ITK: variants seen among roughly 807,000 people sequenced by gnomAD.
ITK encodes tyrosine-protein kinase ITK/TSK.
In ITK, 45 loss-of-function variants were observed where a neutral mutation model predicts 87.6. The ratio of observed to expected loss-of-function variants is 0.51; its 90% confidence interval spans 0.40 to 0.66. The LOEUF is 0.66. Among genes scored for constraint, ITK ranks in the 30% least tolerant of loss-of-function variants. The pLI is 0.00. For synonymous variants in ITK, 303 were observed against 273.6 expected, an observed-to-expected ratio of 1.11 and a Z score of -1.06; for missense variants, 605 against 766.3, an observed-to-expected ratio of 0.79 and a Z score of 2.48.
chr5:157,203,107 C>G lies in ITK; in HGVS notation c.139-5782C>G, dbSNP rs1268508727. Among the ~76,000 whole-genome samples the G allele has an allele frequency of 2.0e-5, 3 of 152,200 alleles. No individual in the cohort carries two copies. The East Asian group carries it at 5.8e-4, about 29-fold the overall frequency. Reference sequence around the variant, plus strand: ...CTCTTCTTAGATGCCCTTTCTCTCTCCAGAGAGGTCTGCCTTGGCCACAGT... The same window carrying G: ...CTCTTCTTAGATGCCCTTTCTCTCTGCAGAGAGGTCTGCCTTGGCCACAGT... On this transcript the variant is annotated intron_variant, in intron 1 of 16. Coordinates refer to ENST00000422843, the MANE Select transcript of ITK (RefSeq NM_005546.4).
chr5:157,219,995 C>T (rs30156), intron 5 of ITK, among the ~76,000 whole-genome samples: 36,695 of 152,094 alleles, frequency 0.24, 5,110 homozygotes, highest in Non-Finnish European at 0.31. Context: ...TAGTTTCAAC[C>T]GCATGTCTAA....
At chr5:157,211,517 G>A (rs1580887163) in intron 3 of ITK, 149 bp downstream of exon 3, 1 of 697,288 alleles carries the variant, frequency 1.4e-6, no homozygotes, top group East Asian at 2.7e-5. Flanking sequence ...TTCATCCTGG[G>A]CCCAGGAAGC....
chr5:157,217,959 T>A (rs1754333746), intron 5 of ITK, 52 bp downstream of exon 5: 4 of 1,497,176 alleles, frequency 2.7e-6, no homozygotes, highest in Non-Finnish European at 3.7e-6. Context: ...GCTACCTGAT[T>A]GGCATGTTCC....
chr5:157,253,991 G>A lies in ITK; in HGVS notation c.*1313G>A, dbSNP rs1319795779. 4.5e-6 allele frequency: 1 copy of A among 224,530 alleles called. No homozygotes were observed. Among genetic ancestry groups the A allele is most frequent in the East Asian group, 6.4e-5 (1 of 15,570 alleles). The allele number at this position is 224,530 out of a possible 1,614,324, so 13.9% of individuals were successfully genotyped here. A position where few individuals can be genotyped will look rare whatever the true frequency, so the allele number is the denominator to read the frequency against. On this transcript the variant is annotated 3_prime_UTR_variant, in exon 17 of 17. Coordinates refer to ENST00000422843, the MANE Select transcript of ITK (RefSeq NM_005546.4). ...TTCCCATTTTACAAATAATGTAACTGAGGCTTTAAAAAGCCAAGACATCTG... is the reference window on the plus strand; with the variant it reads ...TTCCCATTTTACAAATAATGTAACTAAGGCTTTAAAAAGCCAAGACATCTG...
intron 8 of ITK, among the ~76,000 whole-genome samples, chr5:157,235,720 A>G (rs1364878356): frequency 6.6e-6 from 1 of 152,266 alleles, no homozygotes; most frequent in Non-Finnish European, 1.5e-5. Context: ...AGACACTCTT[A>G]AAGTATAATG....
At chr5:157,202,545 G>A (rs1398283574) in intron 1 of ITK, among the ~76,000 whole-genome samples, 2 of 152,028 alleles carry the variant, frequency 1.3e-5, no homozygotes, top group Admixed American at 1.3e-4. Flanking sequence ...TTTGTTAATG[G>A]GCATTTAGGT....
At chr5:157,186,475 G>T (rs112383665) in intron 1 of ITK, among the ~76,000 whole-genome samples, 3 of 151,932 alleles carry the variant, frequency 2.0e-5, no homozygotes, top group Non-Finnish European at 4.4e-5. Context: ...AGGAGTTCAC[G>T]AGCAGCCTGG....
chr5:157,215,736 A>G (rs1341851996), intron 4 of ITK, among the ~76,000 whole-genome samples: 2 of 152,210 alleles, frequency 1.3e-5, no homozygotes, highest in South Asian at 2.1e-4. Context: ...AAGGGCCCCA[A>G]TGTCCTCATC....
intron 1 of ITK, among the ~76,000 whole-genome samples, chr5:157,183,183 G>A (rs1753572375): frequency 6.6e-6 from 1 of 151,942 alleles, no homozygotes; most frequent in African/African-American, 2.4e-5. Flanking sequence ...CCCTGAAAAA[G>A]GTAATATATG....
At chr5:157,190,845 G>T (rs1343842893) in intron 1 of ITK, among the ~76,000 whole-genome samples, 1 of 152,224 alleles carries the variant, frequency 6.6e-6, no homozygotes, top group African/African-American at 2.4e-5. Flanking sequence ...CAAGAGAGGG[G>T]CACAAGACGA....
intron 1 of ITK, among the ~76,000 whole-genome samples, chr5:157,191,842 A>G (rs900946087): frequency 4.6e-5 from 7 of 152,196 alleles, no homozygotes; most frequent in Non-Finnish European, 1.0e-4. Flanking sequence ...AGCAGTATAC[A>G]TAATATAGGG....
At chr5:157,204,193 G>T (rs1754033593) in intron 1 of ITK, among the ~76,000 whole-genome samples, 1 of 152,192 alleles carries the variant, frequency 6.6e-6, no homozygotes, top group South Asian at 2.1e-4. Context: ...GTAATTTTTT[G>T]CATTGTCTCA....
At chr5:157,197,609 T>TA (rs1753877477) in intron 1 of ITK, among the ~76,000 whole-genome samples, 2 of 134,724 alleles carry the variant, frequency 1.5e-5, no homozygotes, top group Non-Finnish European at 3.3e-5. Context: ...TAATACATAA[T>TA]CTCTTCTTCC....
Position 157,252,763 on chromosome 5 carries a change from A to C in ITK, c.*85A>C, listed in dbSNP as rs143715615. 50 of 1,105,810 alleles carry C rather than the reference A, an allele frequency of 4.5e-5. No homozygotes were observed. In the East Asian group the frequency reaches 1.2e-3, roughly 26 times the overall value. The allele number at this position is 1,105,810 out of a possible 1,614,324, so 68.5% of individuals were successfully genotyped here. ...ATTCCATAGAGCATTAGAAGCTGCC[A>C]CCAGCCCAGGACCCTCCAGAGGCAG... is the stretch of plus-strand genomic sequence containing the variant. On this transcript the variant is annotated 3_prime_UTR_variant, in exon 17 of 17. Coordinates refer to ENST00000422843, the MANE Select transcript of ITK (RefSeq NM_005546.4).
chr5:157,192,949 C>G (rs552389175), intron 1 of ITK, among the ~76,000 whole-genome samples: 1 of 152,312 alleles, frequency 6.6e-6, no homozygotes, highest in South Asian at 2.1e-4. Flanking sequence ...GGAAACTTGG[C>G]TCACATTTGT....
rs1288043073 is a variant in ITK, at chr5:157,249,012, G to A, written c.1791+5G>A. ...ATGAATCACTGCTGGAAAGAGGTCA[G>A]TGGAGGAAGTGCTTCCCCATGCATT... is the stretch of plus-strand genomic sequence containing the variant. On this transcript the variant is annotated splice_donor_5th_base_variant and intron_variant, in intron 16 of 16. Transcript: ENST00000422843. 4 of 1,613,048 alleles carry A rather than the reference G, an allele frequency of 2.5e-6. No individual in the cohort carries two copies. The highest frequency in any genetic ancestry group is 2.5e-6 in the Non-Finnish European group (3 of 1,179,244).
rs1416056644 is a variant in ITK, at chr5:157,252,660, T to G, written c.1845T>G (p.Ile615Met). 1.2e-6 allele frequency: 2 copies of G among 1,613,774 alleles called. No homozygotes were observed. Among genetic ancestry groups the G allele is most frequent in the African/African-American group, 2.7e-5 (2 of 74,924 alleles). ...GACTGCTGCGTCAACTGGCTGAAAT[T>G]GCAGAATCAGGACTTTAGTAGAGAC... ...FSRLLRQLAE[I>M]AESGL Residue 615 changes from isoleucine (I) to methionine (M), a missense_variant, in exon 17 of 17, where the codon ATT (isoleucine) becomes ATG (methionine). By Grantham distance (10) the Ile-to-Met change is conservative. Around this residue, in one of 3 missense-constraint regions of ITK, gnomAD observed 71 missense variants for 65.8 expected, o/e 1.08. Coordinates refer to ENST00000422843, the MANE Select transcript of ITK (RefSeq NM_005546.4).
chr5:157,237,958 G>A (rs1754810646), intron 8 of ITK, 151 bp from the exon 9 acceptor site: 8 of 683,298 alleles, frequency 1.2e-5, no homozygotes, highest in South Asian at 1.5e-5. Context: ...AAGGACAGGA[G>A]TAAATGAAAC....
At chr5:157,221,533 A>G (rs1304502543) in intron 5 of ITK, among the ~76,000 whole-genome samples, 1 of 152,140 alleles carries the variant, frequency 6.6e-6, no homozygotes, top group Non-Finnish European at 1.5e-5. Flanking sequence ...GGCCTATAGC[A>G]TACCTCAAAC....
Sources: gnomAD v4.1 joint callset for allele counts (sites outside exome capture counted in the v4.1 genomes callset) on GRCh38, gnomAD v4.1.1 for gene constraint, gnomAD v4.1.1 regional missense constraint, MANE v1.5 for transcripts, NCBI Gene and HGNC (gene_info 2026-07-23, HGNC 2026-07-21) for gene names.